MLH3: variants seen among roughly 807,000 people sequenced by gnomAD.
MLH3 encodes DNA mismatch repair protein Mlh3.
MLH3 carries 82 observed loss-of-function variants against 122.2 expected under a neutral mutation model. The observed-to-expected ratio is 0.67, with a 90% CI of 0.56 to 0.81. The LOEUF (loss-of-function observed/expected upper bound fraction) is 0.81. Among genes scored for constraint, MLH3 ranks in the 30% least tolerant of loss-of-function variants. The pLI, the probability that MLH3 is intolerant of heterozygous loss-of-function variation, is 0.00. For synonymous variants in MLH3, 524 were observed against 599.5 expected (o/e 0.87, Z 1.84); for missense variants, 1,539 against 1,714.5 (o/e 0.90, Z 1.81).
intron 8 of MLH3, among the ~76,000 whole-genome samples, chr14:75,031,442 T>C (rs1202807682): frequency 6.6e-6 from 1 of 152,156 alleles, no homozygotes; most frequent in Non-Finnish European, 1.5e-5. Flanking sequence ...TTCCAAGAAA[T>C]GAGAAGAGTG....
chr14:75,046,689 T>G lies in MLH3; in HGVS notation c.2967A>C (p.Arg989Ser), dbSNP rs1196505898. ...GACTTCCTATCTGTTGTTCTGAGGCTCTGATAAGAACATCTGAATCTTTAC... is the reference window on the plus strand; with the variant it reads ...GACTTCCTATCTGTTGTTCTGAGGCGCTGATAAGAACATCTGAATCTTTAC... The part of the protein sequence containing the change: ...VTGKDSDVLI[R>S]ASEQQIGSLD... The change falls in exon 2 of 13, where the codon AGA becomes AGC. Residue 989 changes from arginine to serine, a missense_variant. Arg to Ser is a moderately radical substitution (Grantham distance 110, BLOSUM62 -1). Coordinates refer to ENST00000355774, the MANE Select transcript of MLH3 (RefSeq NM_001040108.2). 1 of 1,614,150 alleles carries G rather than the reference T, an allele frequency of 6.2e-7. No homozygotes were observed.
Position 75,038,189 on chromosome 14 carries a change from G to A in MLH3, c.3643+151C>T, listed in dbSNP as rs148245367. The stretch of plus-strand genomic sequence containing the variant: ...GTTGGGATTACAGGTGTGAGCCACC[G>A]CACCCAGCCTTCATAATATTCTTAG... On this transcript the variant is annotated intron_variant, in intron 6 of 12. Transcript: ENST00000355774. The A allele has an allele frequency of 2.0e-4, 130 of 662,718 alleles. 2 individuals are homozygous for A. The highest frequency in any genetic ancestry group is 1.9e-3 in the South Asian group (117 of 61,726). The allele number at this position is 662,718 out of a possible 1,614,324, so 41.1% of individuals were successfully genotyped here.
chr14:75,030,829 T>C (rs1301885152), intron 8 of MLH3, 127 bp from the exon 9 acceptor site: 2 of 770,372 alleles, frequency 2.6e-6, no homozygotes, highest in Admixed American at 4.6e-5. Flanking sequence ...CGTATTGTTT[T>C]TCTCACACTT....
At chr14:75,030,120 C>A (rs922488013) in intron 9 of MLH3, among the ~76,000 whole-genome samples, 1 of 152,198 alleles carries the variant, frequency 6.6e-6, no homozygotes, top group Non-Finnish European at 1.5e-5. Context: ...CACCACTGCA[C>A]TCCAGCTTGG....
At position 75,022,596 on chromosome 14, in the gene MLH3, A is replaced by G. The variant is rs550582509; in HGVS notation, c.4090+218T>C. On this transcript the variant is annotated intron_variant, in intron 11 of 12. Coordinates refer to ENST00000355774, the MANE Select transcript of MLH3 (RefSeq NM_001040108.2). ...CATCTCCTCTAGGAGTTATTCCTCCACTCATATAGGTCAGGCAGCACTATA... is the reference window on the plus strand; with the variant it reads ...CATCTCCTCTAGGAGTTATTCCTCCGCTCATATAGGTCAGGCAGCACTATA... 3.3e-5 allele frequency among the ~76,000 whole-genome samples: 5 copies of G among 152,166 alleles called. No homozygotes were observed. In the South Asian group the frequency reaches 8.3e-4, roughly 25 times the overall value.
chr14:75,042,270 C>T, intron 3 of MLH3, 109 bp downstream of exon 3: 1 of 915,580 alleles, frequency 1.1e-6, no homozygotes, highest in South Asian at 1.3e-5. Flanking sequence ...ATTCCTGATT[C>T]CAGTACAGCA....
At chr14:75,020,943 A>G (rs1189939327) in intron 11 of MLH3, 1 of 151,802 alleles carries the variant, frequency 6.6e-6, no homozygotes, top group Admixed American at 6.6e-5. Context: ...GTGGCGTGAT[A>G]TTGGCTCACT....
Position 75,014,593 on chromosome 14 carries a change from A to G in MLH3, c.*2489T>C, listed in dbSNP as rs372584657. On this transcript the variant is annotated 3_prime_UTR_variant, in exon 13 of 13. Coordinates refer to ENST00000355774, the MANE Select transcript of MLH3 (RefSeq NM_001040108.2). ...AGTTTCCTTGTCTTTCTCAGTGACTAAAGCTAAGCCTCTTGAAGGTAGAGA... is the reference window on the plus strand; with the variant it reads ...AGTTTCCTTGTCTTTCTCAGTGACTGAAGCTAAGCCTCTTGAAGGTAGAGA... 2.9e-5 allele frequency: 6 copies of G among 203,512 alleles called. No homozygotes were observed. The highest frequency in any genetic ancestry group is 1.4e-4 in the African/African-American group (6 of 43,718). The allele number at this position is 203,512 out of a possible 1,614,324, so 12.6% of individuals were successfully genotyped here. A position where few individuals can be genotyped will look rare whatever the true frequency, so the allele number is the denominator to read the frequency against.
intron 9 of MLH3, among the ~76,000 whole-genome samples, chr14:75,023,733 G>T (rs1890440229): frequency 6.6e-6 from 1 of 152,174 alleles, no homozygotes. Flanking sequence ...AAAAAAACCT[G>T]TTGCACATTT....
At chr14:75,036,754 A>T (rs750322670) in intron 6 of MLH3, 1 of 456,220 alleles carries the variant, frequency 2.2e-6, no homozygotes, top group Admixed American at 2.3e-5. Context: ...TATGGAGGCC[A>T]GAACACCAGA....
chr14:75,034,036 T>C (rs1891221999), intron 6 of MLH3, among the ~76,000 whole-genome samples: 1 of 151,836 alleles, frequency 6.6e-6, no homozygotes, highest in Admixed American at 6.6e-5. Context: ...CTACTAAAAA[T>C]ACAAAAATTA....
At position 75,016,591 on chromosome 14, in the gene MLH3, C is replaced by G; in HGVS notation, c.*491G>C. 1 of 213,314 alleles carries G rather than the reference C, an allele frequency of 4.7e-6. No homozygotes were observed. Among genetic ancestry groups the G allele is most frequent in the African/African-American group, 2.3e-5 (1 of 43,288 alleles). The allele number at this position is 213,314 out of a possible 1,614,324, so 13.2% of individuals were successfully genotyped here. A position where few individuals can be genotyped will look rare whatever the true frequency, so the allele number is the denominator to read the frequency against. ...GTCTGAGATGTAGCACATGAAGCAG[C>G]AGCATAGGGAAGTGAAGAAGACTGA... is the stretch of plus-strand genomic sequence containing the variant. On this transcript the variant is annotated 3_prime_UTR_variant, in exon 13 of 13. Coordinates refer to ENST00000355774, the MANE Select transcript of MLH3 (RefSeq NM_001040108.2).
chr14:75,040,089 TGCTTTAAAA>T, intron 4 of MLH3, 74 bp from the exon 5 acceptor site: 1 of 765,632 alleles, frequency 1.3e-6, no homozygotes, highest in Non-Finnish European at 2.3e-6. Flanking sequence ...GATATCAGAG[TGCTTTAAAA>T]GCATTCATTT....
chr14:75,033,779 C>G (rs1196506921), intron 6 of MLH3, among the ~76,000 whole-genome samples: 1 of 152,138 alleles, frequency 6.6e-6, no homozygotes, highest in Non-Finnish European at 1.5e-5. Context: ...TTTCTCTCTC[C>G]AGAGATTACC....
intron 6 of MLH3, among the ~76,000 whole-genome samples, chr14:75,036,352 TA>T (rs1252067069): frequency 6.9e-6 from 1 of 145,826 alleles, no homozygotes; most frequent in Non-Finnish European, 1.5e-5. Flanking sequence ...GACATCTTTT[TA>T]TTTTATTTTT....
At chr14:75,037,482 C>A (rs1891499250) in intron 6 of MLH3, among the ~76,000 whole-genome samples, 1 of 152,084 alleles carries the variant, frequency 6.6e-6, no homozygotes, top group South Asian at 2.1e-4. Flanking sequence ...TCAATTAATA[C>A]TTGTTGAATG....
chr14:75,032,547 G>A (rs1751512472), intron 7 of MLH3, among the ~76,000 whole-genome samples: 1 of 152,122 alleles, frequency 6.6e-6, no homozygotes, highest in Non-Finnish European at 1.5e-5. Context: ...CTTGAGCAGG[G>A]TCTCCCAGTC....
rs780296518 is a variant in MLH3, at chr14:75,049,153, A to G, written c.503T>C (p.Phe168Ser). Residue 168 changes from phenylalanine to serine, a missense_variant, in exon 2 of 13, where the codon TTT (phenylalanine) becomes TCT (serine). By Grantham distance (155) the Phe-to-Ser change is radical (BLOSUM62 -2). Transcript: ENST00000355774. ...TTCTATTCTCTGCCTAACCTTCTCA[A>G]ACTCCAGTCTAGGGTCCATGCATTT... ...RRKCMDPRLE[F>S]EKVRQRIEAL... 2.0e-5 allele frequency: 33 copies of G among 1,614,170 alleles called. No individual in the cohort carries two copies. The highest frequency in any genetic ancestry group is 2.7e-5 in the Non-Finnish European group (32 of 1,180,014).
rs537122008 is a variant in MLH3, at chr14:75,015,608, T to C, written c.*1474A>G. Reference sequence around the variant, plus strand: ...TCTGAAAACTCTCTCCTTTCTAAGGTCATGTCTTCCCATCTATAAAACATC... The same window carrying C: ...TCTGAAAACTCTCTCCTTTCTAAGGCCATGTCTTCCCATCTATAAAACATC... On this transcript the variant is annotated 3_prime_UTR_variant, in exon 13 of 13. Transcript: ENST00000355774. The C allele has an allele frequency of 5.3e-6, 1 of 187,166 alleles. No individual in the cohort carries two copies. Among genetic ancestry groups the C allele is most frequent in the East Asian group, 8.6e-5 (1 of 11,644 alleles). The allele number at this position is 187,166 out of a possible 1,614,324, so 11.6% of individuals were successfully genotyped here.
Sources: gnomAD v4.1 joint callset for allele counts (sites outside exome capture counted in the v4.1 genomes callset) on GRCh38, gnomAD v4.1.1 for gene constraint, MANE v1.5 for transcripts, NCBI Gene and HGNC (gene_info 2026-07-23, HGNC 2026-07-21) for gene names.